Variants in TRDN observed in about 807,000 individuals in gnomAD.
TRDN encodes triadin.
TRDN carries 161 observed loss-of-function variants against 149.7 expected under a neutral mutation model. That is an observed-to-expected ratio of 1.08 (90% CI 0.95 to 1.23). The LOEUF is 1.23. TRDN is among the 50% of genes most tolerant of loss of function. The probability of loss-of-function intolerance (pLI) is 0.00; values close to 1 mark genes in which losing one functional copy is unlikely to be tolerated. For missense variants in TRDN, 896 were observed against 823.5 expected, an observed-to-expected ratio of 1.09 and a Z score of -1.08; for synonymous variants, 294 against 250.5, an observed-to-expected ratio of 1.17 and a Z score of -1.64.
At chr6:123,541,541 C>T in intron 4 of TRDN, among the ~76,000 whole-genome samples, 1 of 152,126 alleles carries the variant, frequency 6.6e-6, no homozygotes, top group East Asian at 1.9e-4. Flanking sequence ...TTGTCCCCCT[C>T]TCACCCCCAT....
At position 123,259,645 on chromosome 6, in the gene TRDN, T is replaced by G. The variant is rs1323229536; in HGVS notation, c.1849A>C (p.Ile617Leu). Residue 617 changes from isoleucine to leucine, a missense_variant, in exon 35 of 41, where the codon ATA becomes CTA. Coordinates refer to ENST00000334268, the MANE Select transcript of TRDN (RefSeq NM_006073.4). ...TTACCTTTACTTTCTTTTTCAGATA[T>G]TTCAGTTTTCTTCTTTCCTAGGGGA... Reference protein sequence around the residue: ...VTESGKKKTEISEKESKEKAD... With the variant: ...VTESGKKKTELSEKESKEKAD... 3 of 1,473,618 alleles carry G rather than the reference T, an allele frequency of 2.0e-6. No individual in the cohort carries two copies. The highest frequency in any genetic ancestry group is 1.4e-5 in the African/African-American group (1 of 70,580). The allele number at this position is 1,473,618 out of a possible 1,614,324, so 91.3% of individuals were successfully genotyped here.
chr6:123,553,506 A>G (rs1781497919), intron 2 of TRDN, among the ~76,000 whole-genome samples: 1 of 152,106 alleles, frequency 6.6e-6, no homozygotes, highest in Non-Finnish European at 1.5e-5. Context: ...ACTGGTGTTC[A>G]CTCAAGCACA....
intron 10 of TRDN, among the ~76,000 whole-genome samples, chr6:123,449,656 T>A (rs1319446842): frequency 6.6e-6 from 1 of 152,110 alleles, no homozygotes; most frequent in Non-Finnish European, 1.5e-5. Flanking sequence ...GGGGGAATAA[T>A]CAAGGAAAAC....
chr6:123,508,236 C>G (rs928247051), intron 7 of TRDN, among the ~76,000 whole-genome samples: 1 of 151,956 alleles, frequency 6.6e-6, no homozygotes, highest in African/African-American at 2.4e-5. Flanking sequence ...TATCAAAAAG[C>G]CATTTATCAA....
At chr6:123,295,441 A>G (rs1050254418) in intron 24 of TRDN, among the ~76,000 whole-genome samples, 7 of 152,158 alleles carry the variant, frequency 4.6e-5, no homozygotes, top group African/African-American at 1.7e-4. Context: ...ATTCTTTCCT[A>G]GGCAAAGCCA....
intron 12 of TRDN, among the ~76,000 whole-genome samples, chr6:123,435,804 C>G (rs1225583520): frequency 6.6e-6 from 1 of 152,100 alleles, no homozygotes; most frequent in Admixed American, 6.6e-5. Flanking sequence ...GAGCACTGTC[C>G]TTGTAGGAAG....
At chr6:123,481,330 T>C (rs1285191397) in intron 9 of TRDN, among the ~76,000 whole-genome samples, 7 of 151,720 alleles carry the variant, frequency 4.6e-5, no homozygotes, top group East Asian at 1.9e-4. Flanking sequence ...AAGGTTTGGG[T>C]GTGTATGTCA....
chr6:123,571,211 A>T (rs1329368849), intron 1 of TRDN, 79 bp from the exon 2 acceptor site: 1 of 1,462,018 alleles, frequency 6.8e-7, no homozygotes, highest in African/African-American at 1.4e-5. Context: ...TGACTATATG[A>T]GTGCTGAACC....
intron 16 of TRDN, 131 bp downstream of exon 16, chr6:123,381,239 A>C: frequency 1.2e-6 from 1 of 827,796 alleles, no homozygotes; most frequent in Non-Finnish European, 1.9e-6. Context: ...TCACTTGGAC[A>C]AAAAACAACA....
chr6:123,524,413 G>C (rs1460268438), intron 5 of TRDN, among the ~76,000 whole-genome samples: 5 of 152,068 alleles, frequency 3.3e-5, no homozygotes, highest in Non-Finnish European at 7.4e-5. Flanking sequence ...TTAGTTGATG[G>C]CTTAAATAGA....
intron 12 of TRDN, among the ~76,000 whole-genome samples, chr6:123,403,791 GAA>G (rs1413160784): frequency 6.6e-6 from 1 of 151,816 alleles, no homozygotes; most frequent in Non-Finnish European, 1.5e-5. Context: ...ACTAAATAAA[GAA>G]AAGTTTTGCG....
At chr6:123,452,455 A>G (rs985548047) in intron 10 of TRDN, among the ~76,000 whole-genome samples, 93 of 151,804 alleles carry the variant, frequency 6.1e-4, no homozygotes, top group African/African-American at 2.1e-3. Context: ...CATCAGCAAC[A>G]ACCAAGCAGA....
intron 4 of TRDN, 149 bp downstream of exon 4, chr6:123,547,191 A>C (rs1023718489): frequency 2.0e-6 from 1 of 511,754 alleles, no homozygotes; most frequent in Admixed American, 4.2e-5. Flanking sequence ...TGGAAAAGAA[A>C]TTGAGTATTT....
chr6:123,581,957 A>C (rs2114581079), intron 1 of TRDN, among the ~76,000 whole-genome samples: 1 of 152,324 alleles, frequency 6.6e-6, no homozygotes, highest in Admixed American at 6.5e-5. Flanking sequence ...AAAAAGAATC[A>C]AACTCTGTAA....
At chr6:123,458,464 G>C (rs946529656) in intron 10 of TRDN, among the ~76,000 whole-genome samples, 1 of 152,128 alleles carries the variant, frequency 6.6e-6, no homozygotes, top group Admixed American at 6.6e-5. Flanking sequence ...GTCCCCCAAG[G>C]AGGAAGGAAG....
intron 24 of TRDN, among the ~76,000 whole-genome samples, chr6:123,304,277 G>C (rs1455644236): frequency 7.6e-6 from 1 of 131,790 alleles, no homozygotes; most frequent in Non-Finnish European, 1.6e-5. Context: ...TTTTTGAGAC[G>C]GAGTCTTGCT....
intron 12 of TRDN, among the ~76,000 whole-genome samples, chr6:123,434,675 T>C (rs886133758): frequency 3.3e-5 from 5 of 152,212 alleles, no homozygotes; most frequent in African/African-American, 1.2e-4. Flanking sequence ...GAGATGTTTT[T>C]AAAGTCTTTA....
chr6:123,599,025 C>A (rs1784160805), intron 1 of TRDN, among the ~76,000 whole-genome samples: 1 of 151,992 alleles, frequency 6.6e-6, no homozygotes, highest in Non-Finnish European at 1.5e-5. Flanking sequence ...TAAAACAGAT[C>A]ATTAAAACTA....
At chr6:123,224,249 T>C (rs1010670904) in intron 38 of TRDN, 118 bp from the exon 39 acceptor site, 4 of 900,862 alleles carry the variant, frequency 4.4e-6, no homozygotes, top group Non-Finnish European at 6.9e-6. Context: ...AAACTCAGCA[T>C]CTACAGTCTC....
Sources: gnomAD v4.1 joint callset for allele counts (sites outside exome capture counted in the v4.1 genomes callset) on GRCh38, gnomAD v4.1.1 for gene constraint, MANE v1.5 for transcripts, NCBI Gene and HGNC (gene_info 2026-07-23, HGNC 2026-07-21) for gene names.